The following EXOC4 variants were observed in gnomAD, a reference collection of about 807,000 sequenced individuals.
EXOC4 encodes SEC8-like 1.
Under a neutral mutation model 107.2 loss-of-function variants are expected in EXOC4, and 71 were observed. That is an observed-to-expected ratio of 0.66 (90% CI 0.55 to 0.81). EXOC4 has a LOEUF of 0.81. EXOC4 is among the 30% of genes least tolerant of loss of function. The pLI is 0.00. For missense variants in EXOC4, 1,108 were observed against 1,189.6 expected (o/e 0.93, Z 1.01); for synonymous variants, 456 against 441.2 (o/e 1.03, Z -0.42).
At chr7:133,852,731 C>T (rs1798261850) in intron 11 of EXOC4, among the ~76,000 whole-genome samples, 1 of 152,120 alleles carries the variant, frequency 6.6e-6, no homozygotes. Flanking sequence ...ATAGCATTTT[C>T]CTGACTCCTG....
At chr7:133,912,010 T>C (rs1038577550) in intron 12 of EXOC4, among the ~76,000 whole-genome samples, 1 of 152,248 alleles carries the variant, frequency 6.6e-6, no homozygotes, top group Non-Finnish European at 1.5e-5. Context: ...TGAAATTTTG[T>C]ATAATTTCCA....
chr7:133,967,260 A>T (rs905496546), intron 14 of EXOC4, among the ~76,000 whole-genome samples: 4 of 143,760 alleles, frequency 2.8e-5, no homozygotes, highest in African/African-American at 7.8e-5. Flanking sequence ...TAATCTTCTT[A>T]AAAAACCAGC....
intron 11 of EXOC4, among the ~76,000 whole-genome samples, chr7:133,845,587 A>C (rs1032750662): frequency 3.3e-5 from 5 of 152,034 alleles, no homozygotes; most frequent in Admixed American, 1.3e-4. Context: ...TCTCCCTGAC[A>C]GAAGCATTTC....
chr7:133,814,690 T>C (rs1563009889), intron 10 of EXOC4, among the ~76,000 whole-genome samples: 1 of 152,188 alleles, frequency 6.6e-6, no homozygotes, highest in Non-Finnish European at 1.5e-5. Context: ...ACAGAGTGTG[T>C]TTTCAAACTT....
intron 5 of EXOC4, among the ~76,000 whole-genome samples, chr7:133,321,440 G>A (rs2150587213): frequency 6.6e-6 from 1 of 152,158 alleles, no homozygotes; most frequent in Admixed American, 6.6e-5. Flanking sequence ...TGACCGAAAG[G>A]CCCAGGTGTG....
intron 17 of EXOC4, among the ~76,000 whole-genome samples, chr7:134,048,098 G>A (rs1002559270): frequency 2.0e-5 from 3 of 152,216 alleles, no homozygotes; most frequent in East Asian, 1.9e-4. Flanking sequence ...TTTCCCAAGT[G>A]GGGGCCACAA....
chr7:133,275,471 A>G (rs1360067508), intron 2 of EXOC4, among the ~76,000 whole-genome samples: 1 of 152,140 alleles, frequency 6.6e-6, no homozygotes, highest in African/African-American at 2.4e-5. Flanking sequence ...CATCCCTAAC[A>G]AACCAGAAGG....
Position 133,557,811 on chromosome 7 carries a change from C to A in EXOC4, c.1418-72234C>A, listed in dbSNP as rs146985279. ...TTCAAGACCAGCCTAACCAACATGG[C>A]GAAATCCCATCTCTACTTAAAATAC... On this transcript the variant is annotated intron_variant, in intron 9 of 17. Transcript: ENST00000253861. 6.2e-3 allele frequency among the ~76,000 whole-genome samples: 937 copies of A among 152,060 alleles called. 9 individuals carry two copies. Among genetic ancestry groups the A allele is most frequent in the African/African-American group, 0.022 (894 of 41,490 alleles).
chr7:133,257,364 A>ACG (rs1554425703), intron 1 of EXOC4, among the ~76,000 whole-genome samples: 6,654 of 136,482 alleles, frequency 0.049, 327 homozygotes, highest in African/African-American at 0.15. Context: ...GTTTACACAC[A>ACG]CGCACACACA....
At chr7:133,376,341 T>A (rs1796490090) in intron 7 of EXOC4, among the ~76,000 whole-genome samples, 1 of 152,220 alleles carries the variant, frequency 6.6e-6, no homozygotes, top group Admixed American at 6.5e-5. Flanking sequence ...ATTTAACATT[T>A]TGCATGTTGA....
At chr7:133,551,032 C>T (rs1393479045) in intron 9 of EXOC4, among the ~76,000 whole-genome samples, 1 of 152,126 alleles carries the variant, frequency 6.6e-6, no homozygotes, top group Non-Finnish European at 1.5e-5. Flanking sequence ...ACCTTCCTGA[C>T]AGCCTGTCCT....
intron 17 of EXOC4, among the ~76,000 whole-genome samples, chr7:134,027,961 C>G (rs964133688): frequency 3.3e-5 from 5 of 152,312 alleles, no homozygotes; most frequent in Admixed American, 3.3e-4. Flanking sequence ...TTTCTGGGCT[C>G]CCTCCTGGAG....
chr7:133,283,552 A>G (rs1404262072), intron 2 of EXOC4, among the ~76,000 whole-genome samples: 1 of 152,186 alleles, frequency 6.6e-6, no homozygotes, highest in African/African-American at 2.4e-5. Flanking sequence ...TTGTTGGATC[A>G]TATGGTAGTT....
intron 11 of EXOC4, among the ~76,000 whole-genome samples, chr7:133,855,113 A>AT (rs1491556957): frequency 2.6e-4 from 28 of 109,336 alleles, no homozygotes; most frequent in Admixed American, 4.6e-4. Flanking sequence ...AAATATATAT[A>AT]AATATATATA....
In EXOC4 at chr7:133,464,811, G is replaced by GTTTTTTTTTTTTTT; in HGVS notation, c.1183-10505_1183-10492dup. Among the ~76,000 whole-genome samples, 6 of 51,298 alleles carry GTTTTTTTTTTTTTT rather than the reference G, an allele frequency of 1.2e-4. 1 individual carries two copies. Among genetic ancestry groups the GTTTTTTTTTTTTTT allele is most frequent in the Non-Finnish European group, 1.3e-4 (4 of 30,256 alleles). The allele number at this position is 51,298 out of a possible 152,430, so 33.7% of individuals were successfully genotyped here. On this transcript the variant is annotated intron_variant, in intron 7 of 17. Coordinates refer to ENST00000253861, the MANE Select transcript of EXOC4 (RefSeq NM_021807.4). ...TTTTTTTTTTTTGTTGGTTGGGTTG[G>GTTTTTTTTTTTTTT]TTTTTTTTTTTTTTTTTTTTTTTTT...
At chr7:134,069,186 A>G (rs758477968), downstream of EXOC4, among the ~76,000 whole-genome samples, 3 of 151,576 alleles carry the variant, frequency 2.0e-5, no homozygotes, top group Non-Finnish European at 4.4e-5. Flanking sequence ...TAGCACACCT[A>G]GCAGTTCACC....
chr7:133,538,851 GAA>G (rs758372046), intron 9 of EXOC4, among the ~76,000 whole-genome samples: 55 of 32,732 alleles, frequency 1.7e-3, no homozygotes, highest in Middle Eastern at 0.017. Context: ...AAGAAAGAAA[GAA>G]AGAAAGAGAG....
chr7:133,976,779 A>C (rs1048233417), intron 14 of EXOC4, among the ~76,000 whole-genome samples: 2 of 151,722 alleles, frequency 1.3e-5, no homozygotes, highest in Non-Finnish European at 2.9e-5. Flanking sequence ...AATTGGTATG[A>C]ATATGTATTT....
At chr7:133,817,801 G>T (rs1236133572) in intron 11 of EXOC4, among the ~76,000 whole-genome samples, 1 of 151,970 alleles carries the variant, frequency 6.6e-6, no homozygotes, top group Admixed American at 6.6e-5. Flanking sequence ...TAACATGCAG[G>T]CAGTTCCTCA....
Sources: allele counts gnomAD v4.1 joint callset (sites outside exome capture counted in the v4.1 genomes callset), GRCh38; gene constraint gnomAD v4.1.1; transcripts MANE v1.5; gene names NCBI Gene and HGNC (gene_info 2026-07-23, HGNC 2026-07-21).